OSBPL9: variants seen among roughly 807,000 people sequenced by gnomAD.
OSBPL9 encodes the protein oxysterol-binding protein-related protein 9.
In OSBPL9, 40 loss-of-function variants were observed where a neutral mutation model predicts 106.6. That is an observed-to-expected ratio of 0.38 (90% CI 0.29 to 0.49). The LOEUF (loss-of-function observed/expected upper bound fraction) is 0.49, where lower values mean the gene tolerates loss of function less well. OSBPL9 is among the 20% of genes least tolerant of loss of function. OSBPL9 has a pLI of 0.97. For missense variants in OSBPL9, 609 were observed against 887.2 expected (o/e 0.69, Z 3.98); for synonymous variants, 269 against 295.4 (o/e 0.91, Z 0.92).
At chr1:51,638,993 A>G (rs1267225595) in intron 1 of OSBPL9, among the ~76,000 whole-genome samples, 3 of 151,950 alleles carry the variant, frequency 2.0e-5, no homozygotes, top group Non-Finnish European at 4.4e-5. Flanking sequence ...ATCATTTCCT[A>G]TTTTGTAACT....
chr1:51,748,893 C>G (rs571544805), intron 7 of OSBPL9, among the ~76,000 whole-genome samples: 1 of 152,240 alleles, frequency 6.6e-6, no homozygotes, highest in East Asian at 1.9e-4. Context: ...CCAGACCAGA[C>G]TGACCAACAT....
chr1:51,625,524 C>T (rs1178078800), intron 1 of OSBPL9, among the ~76,000 whole-genome samples: 3 of 150,414 alleles, frequency 2.0e-5, no homozygotes, highest in Non-Finnish European at 4.4e-5. Flanking sequence ...TTATCTTCTT[C>T]TTCTTTTTTT....
intron 1 of OSBPL9, among the ~76,000 whole-genome samples, chr1:51,579,143 C>T (rs1002028780): frequency 3.7e-4 from 56 of 151,326 alleles, no homozygotes; most frequent in Non-Finnish European, 4.4e-5. Flanking sequence ...GCAGCCTCTT[C>T]AGCAGAATCT....
chr1:51,729,880 T>TC lies in OSBPL9; in HGVS notation c.319-15654dup. ...TCAGTCAGGACCGCCTGCACCGCAG[T>TC]CCGGGGATCGGGTCGAGGGGAGAAG... On this transcript the variant is annotated intron_variant, in intron 4 of 23. Coordinates refer to ENST00000428468, the MANE Select transcript of OSBPL9 (RefSeq NM_024586.6). The surrounding 1 kb of genome is among the most constrained non-coding windows in gnomAD (Gnocchi z 5.1). The TC allele has an allele frequency of 8.0e-7, 1 of 1,257,100 alleles. No homozygotes were observed. The highest frequency in any genetic ancestry group is 1.0e-6 in the Non-Finnish European group (1 of 993,298). The allele number at this position is 1,257,100 out of a possible 1,614,324, so 77.9% of individuals were successfully genotyped here. A position where few individuals can be genotyped will look rare whatever the true frequency, so the allele number is the denominator to read the frequency against.
intron 4 of OSBPL9, among the ~76,000 whole-genome samples, chr1:51,720,079 G>A (rs1014700009): frequency 6.6e-6 from 1 of 152,178 alleles, no homozygotes; most frequent in African/African-American, 2.4e-5. Context: ...TACTTGGTCA[G>A]TGTCACTTCT....
At chr1:51,783,444 C>T (rs902789236) in intron 17 of OSBPL9, among the ~76,000 whole-genome samples, 2 of 151,946 alleles carry the variant, frequency 1.3e-5, no homozygotes, top group Admixed American at 1.3e-4. Context: ...TCTTGGCCTC[C>T]CAAAGTACTG....
Position 51,610,448 on chromosome 1 carries a change from C to T in OSBPL9, c.-352-3857C>T, listed in dbSNP as rs374200961. On this transcript the variant is annotated intron_variant, in intron 2 of 25. Transcript: ENST00000371714. The stretch of plus-strand genomic sequence containing the variant: ...GCTAATTTTGTATTTTTGGTAGAGA[C>T]GGGGTTTCACCTTGTTGGCCAGGCT... Among the ~76,000 whole-genome samples, 6 of 151,258 alleles carry T rather than the reference C, an allele frequency of 4.0e-5. No homozygotes were observed. In the South Asian group the frequency reaches 8.4e-4, roughly 21 times the overall value.
rs115289333 is a variant in OSBPL9 at position 51,754,805 on chromosome 1, C to G, written c.544-1515C>G. Reference sequence around the variant, plus strand: ...CTCCCTCTCTCTTCTTTCTTACTCTCTCTCTCATTTTTTAAGAGATAGTGT... The same window carrying G: ...CTCCCTCTCTCTTCTTTCTTACTCTGTCTCTCATTTTTTAAGAGATAGTGT... On this transcript the variant is annotated intron_variant, in intron 8 of 23. Transcript: ENST00000428468. 3.6e-3 allele frequency among the ~76,000 whole-genome samples: 540 copies of G among 152,080 alleles called. 4 individuals carry two copies. Among genetic ancestry groups the G allele is most frequent in the African/African-American group, 0.012 (494 of 41,466 alleles).
At chr1:51,520,694 A>G in the OSBPL9 span, among the ~76,000 whole-genome samples, 2 of 152,254 alleles carry the variant, frequency 1.3e-5, no homozygotes, top group African/African-American at 4.8e-5. Context: ...AGGAGGGACA[A>G]CTGAACAAGA....
intron 9 of OSBPL9, among the ~76,000 whole-genome samples, chr1:51,758,215 A>G (rs1420563074): frequency 6.6e-6 from 1 of 152,150 alleles, no homozygotes; most frequent in African/African-American, 2.4e-5. Context: ...GCTTTTATTC[A>G]AGATGCATGA....
At chr1:51,626,430 A>ATATTAT (rs140032167) in intron 1 of OSBPL9, among the ~76,000 whole-genome samples, 1 of 151,762 alleles carries the variant, frequency 6.6e-6, no homozygotes, top group South Asian at 2.1e-4. Flanking sequence ...TTATTTAAGA[A>ATATTAT]TATTATTATT....
At chr1:51,613,145 T>C (rs1293504406), upstream of OSBPL9, among the ~76,000 whole-genome samples, 4 of 152,224 alleles carry the variant, frequency 2.6e-5, no homozygotes, top group Non-Finnish European at 5.9e-5. Context: ...ACTGGGCTAG[T>C]TTCTAGGACT....
At chr1:51,597,738 G>A (rs773498203) in intron 1 of OSBPL9, among the ~76,000 whole-genome samples, 59 of 152,288 alleles carry the variant, frequency 3.9e-4, no homozygotes, top group African/African-American at 1.2e-3. Flanking sequence ...ACAATGACTG[G>A]CTCTAAAAAT....
intron 16 of OSBPL9, among the ~76,000 whole-genome samples, chr1:51,782,169 CA>C (rs1259668931): frequency 6.6e-6 from 1 of 152,018 alleles, no homozygotes; most frequent in African/African-American, 2.4e-5. Context: ...GTAAAAAAAA[CA>C]AAACCATAGC....
At chr1:51,530,187 A>AAAAAAAAAAAAAAAAAAAAAAC in the OSBPL9 span, among the ~76,000 whole-genome samples, 1 of 101,564 alleles carries the variant, frequency 9.8e-6, no homozygotes, top group South Asian at 2.5e-4. Flanking sequence ...AAAAAAAAAA[A>AAAAAAAAAAAAAAAAAAAAAAC]AAAAACAAAA....
chr1:51,713,863 A>C (rs970901373), intron 3 of OSBPL9, 140 bp from the exon 4 acceptor site: 6 of 597,784 alleles, frequency 1.0e-5, no homozygotes, highest in Middle Eastern at 4.7e-4. Context: ...ATATTAATAG[A>C]TCAAGCTGAA....
intron 5 of OSBPL9, 82 bp downstream of exon 5, chr1:51,745,713 A>G (rs1667838184): frequency 1.4e-6 from 2 of 1,392,164 alleles, no homozygotes; most frequent in Non-Finnish European, 1.9e-6. Context: ...CAGTTACTTG[A>G]TGTTAATTTA....
intron 3 of OSBPL9, among the ~76,000 whole-genome samples, chr1:51,671,648 T>C (rs1458101132): frequency 6.6e-6 from 1 of 151,954 alleles, no homozygotes; most frequent in Non-Finnish European, 1.5e-5. Context: ...TAGTAAAATA[T>C]AAGTAAATGA....
At chr1:51,781,480 G>A in intron 16 of OSBPL9, 145 bp downstream of exon 16, 1 of 787,672 alleles carries the variant, frequency 1.3e-6, no homozygotes, top group Non-Finnish European at 2.0e-6. Context: ...AGCATAGTTT[G>A]AATGTAGTGA....
Sources: allele counts gnomAD v4.1 joint callset (sites outside exome capture counted in the v4.1 genomes callset), GRCh38; gene constraint gnomAD v4.1.1; non-coding constraint Gnocchi (gnomAD v3.1); transcripts MANE v1.5; gene names NCBI Gene and HGNC (gene_info 2026-07-23, HGNC 2026-07-21).